Variants in SVIL observed in about 807,000 individuals in gnomAD.
SVIL encodes the protein supervillin, also known as archvillin.
In SVIL, 101 loss-of-function variants were observed where a neutral mutation model predicts 240.4. The ratio of observed to expected loss-of-function variants is 0.42; its 90% CI spans 0.36 to 0.50. SVIL has a LOEUF of 0.50. Among genes scored for constraint, SVIL ranks in the 20% least tolerant of loss-of-function variants. The pLI is 0.01. For synonymous variants in SVIL, 999 were observed against 1,100.0 expected (o/e 0.91, Z 1.82); for missense variants, 2,512 against 2,818.7 (o/e 0.89, Z 2.46).
At chr10:29,674,759 A>G (rs532965349) in intron 2 of SVIL, among the ~76,000 whole-genome samples, 5 of 152,218 alleles carry the variant, frequency 3.3e-5, no homozygotes, top group Non-Finnish European at 5.9e-5. Flanking sequence ...GCAGGGCCTC[A>G]TTTCTGCTGG....
chr10:29,702,043 C>T (rs896250716), intron 1 of SVIL, among the ~76,000 whole-genome samples: 2 of 151,878 alleles, frequency 1.3e-5, no homozygotes, highest in Non-Finnish European at 2.9e-5. Context: ...GGCGTGGTGG[C>T]AGGTGCCTGT....
intron 1 of SVIL, among the ~76,000 whole-genome samples, chr10:29,719,936 T>TA (rs1963873626): frequency 6.6e-6 from 1 of 152,082 alleles, no homozygotes; most frequent in African/African-American, 2.4e-5. Flanking sequence ...CCAAACCTAA[T>TA]AAAAATATAA....
At chr10:29,723,597 A>G (rs879899647) in intron 1 of SVIL, among the ~76,000 whole-genome samples, 2 of 152,142 alleles carry the variant, frequency 1.3e-5, no homozygotes, top group Non-Finnish European at 2.9e-5. Context: ...AAAATGAGGA[A>G]GAAGAAGGAA....
intron 1 of SVIL, among the ~76,000 whole-genome samples, chr10:29,606,914 C>T (rs1450102077): frequency 1.3e-5 from 2 of 152,100 alleles, no homozygotes; most frequent in African/African-American, 2.4e-5. Flanking sequence ...GCCACCACAC[C>T]CGGCTAATTT....
At chr10:29,624,304 G>C (rs1335008973) in intron 1 of SVIL, among the ~76,000 whole-genome samples, 1 of 152,074 alleles carries the variant, frequency 6.6e-6, no homozygotes, top group Admixed American at 6.6e-5. Flanking sequence ...CTGGGAGGCC[G>C]AGGTGGGTGG....
At chr10:29,652,402 T>C (rs985867767) in intron 3 of SVIL, among the ~76,000 whole-genome samples, 10 of 152,252 alleles carry the variant, frequency 6.6e-5, no homozygotes, top group Non-Finnish European at 1.2e-4. Flanking sequence ...TAAAGCTGAA[T>C]AGTGTTTTAC....
At position 29,648,218 on chromosome 10, in the gene SVIL, G is replaced by A. The variant is rs79279509; in HGVS notation, c.-201+9751C>T. On this transcript the variant is annotated intron_variant, in intron 3 of 35. Coordinates refer to the SVIL transcript ENST00000375400. ...ACAGGTTCACAAACGTTACTTGTAC[G>A]TTTGCCCCTGAATTCTCCCGAAGGG... 3.7e-3 allele frequency among the ~76,000 whole-genome samples: 557 copies of A among 152,200 alleles called. 2 individuals carry two copies. Among genetic ancestry groups the A allele is most frequent in the Admixed American group, 5.8e-3 (89 of 15,290 alleles).
intron 3 of SVIL, among the ~76,000 whole-genome samples, chr10:29,654,558 C>A (rs1958939075): frequency 2.0e-5 from 3 of 152,122 alleles, no homozygotes; most frequent in African/African-American, 7.2e-5. Flanking sequence ...GAACCTCCAG[C>A]ACAATACTGT....
At chr10:29,577,900 C>T (rs1379814363) in intron 1 of SVIL, among the ~76,000 whole-genome samples, 2 of 151,910 alleles carry the variant, frequency 1.3e-5, no homozygotes, top group Admixed American at 6.6e-5. Flanking sequence ...TATAAAACAT[C>T]GATGAAAGAA....
At chr10:29,476,730 C>T (rs1360747526) in intron 29 of SVIL, among the ~76,000 whole-genome samples, 1 of 152,190 alleles carries the variant, frequency 6.6e-6, no homozygotes, top group Non-Finnish European at 1.5e-5. Context: ...ATGAAGCAAA[C>T]ATTTCACTAG....
intron 12 of SVIL, among the ~76,000 whole-genome samples, chr10:29,528,733 C>A (rs1215882720): frequency 6.6e-6 from 1 of 151,750 alleles, no homozygotes; most frequent in Non-Finnish European, 1.5e-5. Flanking sequence ...TGAGACACTG[C>A]CTCAAAAAAA....
intron 22 of SVIL, among the ~76,000 whole-genome samples, chr10:29,490,469 C>T (rs564796148): frequency 5.8e-4 from 88 of 151,608 alleles, no homozygotes; most frequent in Non-Finnish European, 1.1e-3. Context: ...AATTTGTAAC[C>T]GGGTGCGGTG....
chr10:29,637,044 A>T (rs1406447012), upstream of SVIL, among the ~76,000 whole-genome samples: 3 of 152,174 alleles, frequency 2.0e-5, no homozygotes, highest in Non-Finnish European at 1.5e-5. Flanking sequence ...CCTGGGCTCC[A>T]GCTGTCCTCC....
Position 29,523,581 on chromosome 10 carries a change from G to A in SVIL, c.3033C>T (p.Leu1011=), listed in dbSNP as rs749838207. Residue 1011 remains leucine, a synonymous_variant, in exon 15 of 38, where the codon CTC becomes CTT. Coordinates refer to ENST00000355867, the MANE Select transcript of SVIL (RefSeq NM_021738.3). The part of the protein sequence containing the change: ...LERANPPITH[L]GDEPKEFSMA... The stretch of plus-strand genomic sequence containing the variant: ...TGGAAAATTCCTTCGGTTCATCCCC[G>A]AGGTGGGTGATGGGAGGGTTCGCCC... 5 of 1,614,114 alleles carry A rather than the reference G, an allele frequency of 3.1e-6. No individual in the cohort carries two copies. The South Asian group carries it at 3.3e-5, about 11-fold the overall frequency.
chr10:29,653,772 C>T (rs186696908), intron 3 of SVIL, among the ~76,000 whole-genome samples: 135 of 152,106 alleles, frequency 8.9e-4, no homozygotes, highest in African/African-American at 3.0e-3. Flanking sequence ...ATACAGTTTC[C>T]CCAGTACAAT....
chr10:29,689,993 C>T (rs1961379637), intron 1 of SVIL, among the ~76,000 whole-genome samples: 1 of 152,188 alleles, frequency 6.6e-6, no homozygotes, highest in African/African-American at 2.4e-5. Context: ...AGAGAAAAAT[C>T]TAACGTTGGT....
chr10:29,704,123 T>C (rs1962722633), intron 1 of SVIL, among the ~76,000 whole-genome samples: 1 of 152,156 alleles, frequency 6.6e-6, no homozygotes. Context: ...TCTTGAACTG[T>C]TCATTAATAT....
At chr10:29,586,556 G>A (rs1956174126) in intron 1 of SVIL, among the ~76,000 whole-genome samples, 1 of 152,142 alleles carries the variant, frequency 6.6e-6, no homozygotes, top group Non-Finnish European at 1.5e-5. Context: ...TGTACCACCT[G>A]ACTATCTAGT....
chr10:29,517,008 G>C (rs1015915764), intron 16 of SVIL, among the ~76,000 whole-genome samples: 4 of 152,172 alleles, frequency 2.6e-5, no homozygotes, highest in Non-Finnish European at 4.4e-5. Flanking sequence ...ATCTCTGATA[G>C]GGATGAACAG....
Sources: gnomAD v4.1 joint callset for allele counts (sites outside exome capture counted in the v4.1 genomes callset) on GRCh38, gnomAD v4.1.1 for gene constraint, MANE v1.5 for transcripts, NCBI Gene and HGNC (gene_info 2026-07-23, HGNC 2026-07-21) for gene names.